The following HDAC9 variants were observed in gnomAD, a reference collection of about 807,000 sequenced individuals.
The protein encoded by HDAC9 is histone deacetylase 9, also known as MEF-2 interacting transcription repressor (MITR) protein.
In HDAC9, 41 loss-of-function variants were observed where a neutral mutation model predicts 139.4. The observed-to-expected ratio is 0.29, with a 90% CI of 0.23 to 0.38. The LOEUF (loss-of-function observed/expected upper bound fraction) is 0.38, where lower values mean the gene tolerates loss of function less well. Among genes scored for constraint, HDAC9 ranks in the 10% least tolerant of loss-of-function variants. The pLI is 1.00. For synonymous variants in HDAC9, 517 were observed against 476.2 expected (o/e 1.09, Z -1.12); for missense variants, 1,147 against 1,297.0 (o/e 0.88, Z 1.78).
chr7:18,723,986 G>A (rs1000907672), intron 12 of HDAC9, among the ~76,000 whole-genome samples: 12 of 152,198 alleles, frequency 7.9e-5, no homozygotes, highest in African/African-American at 2.6e-4. Context: ...CTGGTTCAAC[G>A]AGCTTTCAAC....
At chr7:18,541,141 G>GTTTTTTTT (rs10678670) in intron 2 of HDAC9, among the ~76,000 whole-genome samples, 5 of 65,462 alleles carry the variant, frequency 7.6e-5, no homozygotes, top group Non-Finnish European at 1.0e-4. Flanking sequence ...AAGGAACCGT[G>GTTTTTTTT]TTTTTTTTTT....
chr7:18,666,237 C>A lies in HDAC9; in HGVS notation c.1492C>A (p.Leu498Met), dbSNP rs762827070. 2 of 1,612,624 alleles carry A rather than the reference C, an allele frequency of 1.2e-6. No individual in the cohort carries two copies. The highest frequency in any genetic ancestry group is 1.1e-5 in the South Asian group (1 of 90,988). ...GCTGCTTTCGAAATCTATTGAACAA[C>A]TGAAGCAACCAGGCAGTCACCTTGA... ...NKLLSKSIEQ[L>M]KQPGSHLEEA... Residue 498 changes from leucine to methionine, a missense_variant, in exon 12 of 26, where the codon CTG becomes ATG. Around this residue, in one of 7 missense-constraint regions of HDAC9, gnomAD observed 256 missense variants for 219.2 expected, o/e 1.17. Transcript: ENST00000686413.
chr7:18,592,146 G>T (rs1368269182), intron 5 of HDAC9, among the ~76,000 whole-genome samples: 1 of 151,942 alleles, frequency 6.6e-6, no homozygotes, highest in Non-Finnish European at 1.5e-5. Context: ...GAAGAAAAAA[G>T]GAAGGAAGAA....
chr7:18,446,025 C>T (rs1792262184), intron 1 of HDAC9, among the ~76,000 whole-genome samples: 1 of 152,178 alleles, frequency 6.6e-6, no homozygotes, highest in Non-Finnish European at 1.5e-5. Flanking sequence ...TTCTCTGGAA[C>T]AAGTAAGCTC....
chr7:18,583,805 A>C (rs896765415), intron 2 of HDAC9, among the ~76,000 whole-genome samples: 1 of 152,138 alleles, frequency 6.6e-6, no homozygotes, highest in Non-Finnish European at 1.5e-5. Context: ...TTCTGTCTAC[A>C]CTGGATCTGT....
In HDAC9 at chr7:18,996,353, AC is replaced by A; in HGVS notation, c.*293del. The A allele has an allele frequency of 3.2e-6, 1 of 315,450 alleles. No individual in the cohort carries two copies. Among genetic ancestry groups the A allele is most frequent in the East Asian group, 7.0e-5 (1 of 14,244 alleles). 19.5% of individuals were successfully genotyped at this position (315,450 alleles called of 1,614,324 possible). On this transcript the variant is annotated 3_prime_UTR_variant, in exon 26 of 26. Coordinates refer to ENST00000686413, the MANE Select transcript of HDAC9 (RefSeq NM_178425.4). Reference sequence around the variant, plus strand: ...TATGCTGGGTGACCCACTCCTAGACACCAAGTTTGAACTAGAAACATTCAGT... The same window carrying A: ...TATGCTGGGTGACCCACTCCTAGACACAAGTTTGAACTAGAAACATTCAGT...
chr7:18,451,758 C>T (rs1002810336), intron 1 of HDAC9, among the ~76,000 whole-genome samples: 3 of 151,776 alleles, frequency 2.0e-5, no homozygotes, highest in Non-Finnish European at 2.9e-5. Context: ...ATTTGGTGAA[C>T]TGTGTGATGT....
intron 2 of HDAC9, among the ~76,000 whole-genome samples, chr7:18,186,107 G>T (rs1789893057): frequency 6.6e-6 from 1 of 152,310 alleles, no homozygotes; most frequent in Non-Finnish European, 1.5e-5. Flanking sequence ...GGAAAACCAA[G>T]CCTTAGAGAC....
At chr7:18,610,950 A>G (rs999911932) in intron 6 of HDAC9, among the ~76,000 whole-genome samples, 7 of 152,162 alleles carry the variant, frequency 4.6e-5, no homozygotes, top group Non-Finnish European at 7.4e-5. Context: ...TGCAAATGAT[A>G]TATTCTTTCC....
At position 19,001,352 on chromosome 7, in the gene HDAC9, A is replaced by C. The variant is rs1786739065; in HGVS notation, c.*5290A>C. On this transcript the variant is annotated 3_prime_UTR_variant, in exon 26 of 26. Transcript: ENST00000686413. ...TTATTTTTTTGTTTGGGCCTTAGGC[A>C]CAATAGAAGCAAATGTTGCAATATT... is the stretch of plus-strand genomic sequence containing the variant. 1 of 152,106 alleles carries C rather than the reference A, an allele frequency of 6.6e-6. No homozygotes were observed. Among genetic ancestry groups the C allele is most frequent in the African/African-American group, 2.4e-5 (1 of 41,448 alleles). 9.4% of individuals were successfully genotyped at this position (152,106 alleles called of 1,614,324 possible).
At chr7:18,108,120 G>A (rs948139709) in intron 1 of HDAC9, among the ~76,000 whole-genome samples, 1 of 152,188 alleles carries the variant, frequency 6.6e-6, no homozygotes, top group East Asian at 1.9e-4. Context: ...AGGGAGTTGG[G>A]ATATGATATC....
intron 1 of HDAC9, among the ~76,000 whole-genome samples, chr7:18,374,465 T>C (rs1050388746): frequency 1.3e-5 from 2 of 151,946 alleles, no homozygotes; most frequent in African/African-American, 2.4e-5. Flanking sequence ...AGTCTGTTGC[T>C]CCTAGGCTAC....
chr7:18,097,950 G>A (rs147005089), intron 1 of HDAC9, among the ~76,000 whole-genome samples: 30 of 152,244 alleles, frequency 2.0e-4, no homozygotes, highest in African/African-American at 6.3e-4. Context: ...GTGTACTAAC[G>A]TCTACTGATA....
chr7:18,407,474 G>A (rs891434848), intron 1 of HDAC9, among the ~76,000 whole-genome samples: 5 of 152,050 alleles, frequency 3.3e-5, no homozygotes, highest in South Asian at 2.1e-4. Context: ...GCCTAAAAAC[G>A]TATGAACAGC....
At chr7:18,663,397 A>G (rs1194574437) in intron 11 of HDAC9, among the ~76,000 whole-genome samples, 1 of 151,944 alleles carries the variant, frequency 6.6e-6, no homozygotes, top group African/African-American at 2.4e-5. Context: ...TAGTTATTGA[A>G]TATTTCCTGT....
At chr7:18,460,645 G>T (rs927256716) in intron 1 of HDAC9, among the ~76,000 whole-genome samples, 1 of 151,864 alleles carries the variant, frequency 6.6e-6, no homozygotes, top group Non-Finnish European at 1.5e-5. Context: ...TTAGCGAGGC[G>T]TGGTGGCACA....
intron 16 of HDAC9, among the ~76,000 whole-genome samples, chr7:18,773,994 T>G (rs1790541854): frequency 6.6e-6 from 1 of 151,950 alleles, no homozygotes; most frequent in African/African-American, 2.4e-5. Flanking sequence ...AACAACAGTT[T>G]TTTTTTCAAA....
At chr7:18,456,228 T>C (rs1166916822) in intron 1 of HDAC9, among the ~76,000 whole-genome samples, 1 of 152,132 alleles carries the variant, frequency 6.6e-6, no homozygotes, top group Non-Finnish European at 1.5e-5. Flanking sequence ...TTGATTTGAT[T>C]TGATTGGTTG....
chr7:18,417,026 CT>C (rs1789137115), intron 1 of HDAC9, among the ~76,000 whole-genome samples: 1 of 152,088 alleles, frequency 6.6e-6, no homozygotes, highest in East Asian at 1.9e-4. Flanking sequence ...TTTAGATATC[CT>C]TCAAATATTT....
Sources: allele counts gnomAD v4.1 joint callset (sites outside exome capture counted in the v4.1 genomes callset), GRCh38; gene constraint gnomAD v4.1.1; regional missense constraint gnomAD v4.1.1; transcripts MANE v1.5; gene names NCBI Gene and HGNC (gene_info 2026-07-23, HGNC 2026-07-21).